The following DEPTOR variants were observed in gnomAD, a reference collection of about 807,000 sequenced individuals.
DEPTOR encodes the protein DEP domain-containing mTOR-interacting protein.
DEPTOR carries 41 observed loss-of-function variants against 41.6 expected under a neutral mutation model. The ratio of observed to expected loss-of-function variants is 0.98; its 90% CI spans 0.77 to 1.28. DEPTOR has a LOEUF of 1.28. Ranked by LOEUF, DEPTOR falls within the 50% of genes most tolerant of loss-of-function variation. The pLI is 0.00. For missense variants in DEPTOR, 514 were observed against 527.9 expected (o/e 0.97, Z 0.26); for synonymous variants, 195 against 192.3 (o/e 1.01, Z -0.12).
chr8:119,923,885 TTTTCTTTC>T (rs145060371), intron 1 of DEPTOR, among the ~76,000 whole-genome samples: 25,598 of 129,332 alleles, frequency 0.2, 2,160 homozygotes, highest in Middle Eastern at 0.33. Flanking sequence ...TTCTTTTCTT[TTTTCTTTC>T]TTTTTTTTTT....
At chr8:119,977,453 A>C (rs1563580001) in intron 4 of DEPTOR, among the ~76,000 whole-genome samples, 1 of 152,100 alleles carries the variant, frequency 6.6e-6, no homozygotes, top group African/African-American at 2.4e-5. Flanking sequence ...TTCAAGTGTA[A>C]TCTTAGCAGC....
intron 1 of DEPTOR, among the ~76,000 whole-genome samples, chr8:119,899,536 A>T (rs1003055822): frequency 3.3e-5 from 5 of 152,216 alleles, no homozygotes; most frequent in Non-Finnish European, 7.3e-5. Flanking sequence ...GTAGTCAAAA[A>T]TTTCAGTTAA....
At chr8:119,884,823 C>A (rs1827343540) in intron 1 of DEPTOR, among the ~76,000 whole-genome samples, 2 of 147,508 alleles carry the variant, frequency 1.4e-5, no homozygotes, top group African/African-American at 5.4e-5. Flanking sequence ...AAGCTCACTG[C>A]AACCTCCGCT....
chr8:119,970,135 A>G (rs1828614300), intron 4 of DEPTOR, among the ~76,000 whole-genome samples: 1 of 152,188 alleles, frequency 6.6e-6, no homozygotes, highest in Non-Finnish European at 1.5e-5. Context: ...GTATATGTAC[A>G]TATTTATACA....
intron 1 of DEPTOR, among the ~76,000 whole-genome samples, chr8:119,880,141 CAAAATAAAATAAAATAAAATAAAAT>C (rs534342442): frequency 7.2e-6 from 1 of 139,158 alleles, no homozygotes; most frequent in African/African-American, 2.8e-5. Context: ...GACTCCGTCT[CAAAATAAAATAAAATAAAATAAAAT>C]AAAATAAAAT....
chr8:119,898,113 A>T lies in DEPTOR; in HGVS notation c.122+24145A>T, dbSNP rs542312696. On this transcript the variant is annotated intron_variant, in intron 1 of 8. Transcript: ENST00000286234. ...TACTGAAACACAGTCATGCCCACTG[A>T]TTTACGTATTGTCTACAACTACTTT... is the stretch of plus-strand genomic sequence containing the variant. Among the ~76,000 whole-genome samples, 372 of 152,294 alleles carry T rather than the reference A, an allele frequency of 2.4e-3. 2 individuals are homozygous for T. Among genetic ancestry groups the T allele is most frequent in the African/African-American group, 8.0e-3 (331 of 41,564 alleles).
At chr8:120,005,407 C>T (rs371418745) in intron 6 of DEPTOR, among the ~76,000 whole-genome samples, 10 of 152,380 alleles carry the variant, frequency 6.6e-5, no homozygotes, top group African/African-American at 2.4e-4. Flanking sequence ...GATTGCCTTT[C>T]ACTGAGAGGG....
At chr8:119,925,556 A>C (rs1345186980) in intron 1 of DEPTOR, among the ~76,000 whole-genome samples, 1 of 152,326 alleles carries the variant, frequency 6.6e-6, no homozygotes, top group South Asian at 2.1e-4. Flanking sequence ...GGGGATTATT[A>C]CAATTCAAGG....
chr8:119,879,098 A>G (rs78355571), intron 1 of DEPTOR, among the ~76,000 whole-genome samples: 1 of 131,914 alleles, frequency 7.6e-6, no homozygotes, highest in African/African-American at 2.6e-5. Flanking sequence ...CAACAAGAGC[A>G]AAACTCGGTC....
chr8:119,955,997 T>A (rs2129940372), intron 3 of DEPTOR, among the ~76,000 whole-genome samples: 1 of 152,188 alleles, frequency 6.6e-6, no homozygotes, highest in Middle Eastern at 3.4e-3. Flanking sequence ...GAGGCTATTT[T>A]GAGGGGTACC....
chr8:119,901,805 G>C (rs897772110), intron 1 of DEPTOR, among the ~76,000 whole-genome samples: 1 of 152,108 alleles, frequency 6.6e-6, no homozygotes, highest in Non-Finnish European at 1.5e-5. Flanking sequence ...CCTTTGGTCT[G>C]TAGAATCACA....
chr8:120,037,780 T>C (rs538574486), intron 8 of DEPTOR, among the ~76,000 whole-genome samples: 1 of 152,272 alleles, frequency 6.6e-6, no homozygotes, highest in East Asian at 1.9e-4. Context: ...CCCTGCCAGA[T>C]ATGGCCCAGG....
chr8:119,883,615 G>A (rs528643876), intron 1 of DEPTOR, among the ~76,000 whole-genome samples: 2 of 152,218 alleles, frequency 1.3e-5, no homozygotes, highest in African/African-American at 4.8e-5. Context: ...CAGAGGAGGA[G>A]GTAGGTAGCA....
At chr8:119,943,274 A>G (rs35853291) in intron 3 of DEPTOR, among the ~76,000 whole-genome samples, 46,948 of 152,116 alleles carry the variant, frequency 0.31, 8,674 homozygotes, top group East Asian at 0.5. Context: ...ACACCGCTGT[A>G]ACGAACTGCC....
rs572919486 is a variant in DEPTOR, at chr8:119,900,323, C to CA, written c.122+26369dup. On this transcript the variant is annotated intron_variant, in intron 1 of 8. Transcript: ENST00000286234. ...TGGGCAACAGAGCGAGGCTCCATCT[C>CA]AAAAAAAAAAAAAAGAAAAAAAAAA... Among the ~76,000 whole-genome samples the CA allele has an allele frequency of 1.9e-3, 102 of 53,922 alleles. 1 individual carries two copies. The highest frequency in any genetic ancestry group is 3.0e-3 in the South Asian group (3 of 1,006). 35.4% of individuals were successfully genotyped at this position (53,922 alleles called of 152,430 possible).
At chr8:119,897,543 T>A (rs957775038) in intron 1 of DEPTOR, among the ~76,000 whole-genome samples, 10 of 152,134 alleles carry the variant, frequency 6.6e-5, no homozygotes, top group African/African-American at 2.4e-4. Flanking sequence ...AAAAAAATAA[T>A]TCAAAAAATT....
At chr8:119,955,576 C>G (rs1828407755) in intron 3 of DEPTOR, among the ~76,000 whole-genome samples, 1 of 151,860 alleles carries the variant, frequency 6.6e-6, no homozygotes, top group Non-Finnish European at 1.5e-5. Flanking sequence ...AAGCGATTCT[C>G]CTGCCTCAGC....
At chr8:119,996,640 T>G (rs1812263520) in intron 4 of DEPTOR, among the ~76,000 whole-genome samples, 1 of 152,206 alleles carries the variant, frequency 6.6e-6, no homozygotes, top group Admixed American at 6.5e-5. Flanking sequence ...GATACATAAT[T>G]AGGTCAGCAG....
At chr8:119,979,884 TGC>T (rs1828741169) in intron 4 of DEPTOR, among the ~76,000 whole-genome samples, 1 of 152,086 alleles carries the variant, frequency 6.6e-6, no homozygotes, top group Non-Finnish European at 1.5e-5. Context: ...GAACAAAATG[TGC>T]TTCCTCATCA....
Sources: allele counts gnomAD v4.1 joint callset (sites outside exome capture counted in the v4.1 genomes callset), GRCh38; gene constraint gnomAD v4.1.1; transcripts MANE v1.5; gene names NCBI Gene and HGNC (gene_info 2026-07-23, HGNC 2026-07-21).